The following SORCS1 variants were observed in gnomAD, a reference collection of about 807,000 sequenced individuals.
SORCS1 encodes VPS10 domain-containing receptor SorCS1.
A neutral mutation model predicts 146.1 loss-of-function variants in SORCS1; 60 were observed. The ratio of observed to expected loss-of-function variants is 0.41; its 90% CI spans 0.33 to 0.51. The LOEUF (loss-of-function observed/expected upper bound fraction) is 0.51. Among genes scored for constraint, SORCS1 ranks in the 20% least tolerant of loss-of-function variants. The pLI, the probability that SORCS1 is intolerant of heterozygous loss-of-function variation, is 0.21. For missense variants in SORCS1, 1,352 were observed against 1,487.6 expected (o/e 0.91, Z 1.50); for synonymous variants, 637 against 584.0 (o/e 1.09, Z -1.31).
At chr10:106,792,336 T>C (rs1440569605) in intron 3 of SORCS1, among the ~76,000 whole-genome samples, 1 of 152,270 alleles carries the variant, frequency 6.6e-6, no homozygotes, top group African/African-American at 2.4e-5. Flanking sequence ...CTGGTTATCC[T>C]TTTATAAATT....
chr10:106,866,437 G>A (rs1950223865), intron 2 of SORCS1, among the ~76,000 whole-genome samples: 1 of 152,176 alleles, frequency 6.6e-6, no homozygotes, highest in Non-Finnish European at 1.5e-5. Flanking sequence ...GAGTCCCCAG[G>A]AGACATGCAA....
intron 4 of SORCS1, among the ~76,000 whole-genome samples, chr10:106,761,947 C>T (rs900596741): frequency 6.6e-6 from 1 of 152,118 alleles, no homozygotes; most frequent in African/African-American, 2.4e-5. Context: ...GAATGCACAC[C>T]CTGTTCTGCC....
At chr10:106,804,620 A>G (rs890359574) in intron 3 of SORCS1, among the ~76,000 whole-genome samples, 1 of 152,144 alleles carries the variant, frequency 6.6e-6, no homozygotes, top group African/African-American at 2.4e-5. Context: ...AAGATGCTTG[A>G]AAAAGGAAGA....
chr10:106,711,667 T>G (rs1855000351), intron 6 of SORCS1, among the ~76,000 whole-genome samples: 1 of 152,232 alleles, frequency 6.6e-6, no homozygotes, highest in South Asian at 2.1e-4. Context: ...TTAACCTGTC[T>G]AGTCCTGGTG....
intron 3 of SORCS1, among the ~76,000 whole-genome samples, chr10:106,825,216 T>C (rs561063535): frequency 1.0e-3 from 158 of 151,814 alleles, no homozygotes; most frequent in Non-Finnish European, 2.0e-3. Flanking sequence ...GTTTTCTTTT[T>C]AGGCAGAATA....
At chr10:106,950,504 C>A (rs1954623084) in intron 2 of SORCS1, among the ~76,000 whole-genome samples, 1 of 151,990 alleles carries the variant, frequency 6.6e-6, no homozygotes, top group Non-Finnish European at 1.5e-5. Flanking sequence ...TCTCTGTCAC[C>A]CAGTATTTTT....
At chr10:107,095,511 T>G (rs1964487846) in intron 1 of SORCS1, among the ~76,000 whole-genome samples, 1 of 152,200 alleles carries the variant, frequency 6.6e-6, no homozygotes, top group Non-Finnish European at 1.5e-5. Context: ...AAGAGTTGGA[T>G]TTATCCAGAA....
chr10:106,601,629 G>A (rs1006206690), intron 23 of SORCS1, among the ~76,000 whole-genome samples: 4 of 152,150 alleles, frequency 2.6e-5, no homozygotes, highest in Non-Finnish European at 4.4e-5. Context: ...AACTAGATAT[G>A]GCTGTGGGCA....
intron 17 of SORCS1, among the ~76,000 whole-genome samples, chr10:106,661,075 A>G (rs1233530321): frequency 6.6e-6 from 1 of 152,220 alleles, no homozygotes; most frequent in Non-Finnish European, 1.5e-5. Context: ...ATTTTGCAGT[A>G]TGCTCCCCGG....
chr10:107,029,369 C>G (rs1958548989), intron 1 of SORCS1, among the ~76,000 whole-genome samples: 1 of 152,188 alleles, frequency 6.6e-6, no homozygotes. Context: ...CAAAAGAATT[C>G]CCACTAAATC....
chr10:107,101,926 A>C (rs965468974), intron 1 of SORCS1, among the ~76,000 whole-genome samples: 6 of 152,174 alleles, frequency 3.9e-5, no homozygotes, highest in African/African-American at 1.4e-4. Flanking sequence ...TGTAACCTAC[A>C]TGGCCCATTT....
chr10:106,966,531 T>C (rs1417416652), intron 1 of SORCS1, among the ~76,000 whole-genome samples: 1 of 152,130 alleles, frequency 6.6e-6, no homozygotes, highest in East Asian at 1.9e-4. Context: ...GGCACTGAAA[T>C]TGAGTGAAAC....
In SORCS1 at chr10:107,029,150, G is replaced by T. The variant is rs561018580; in HGVS notation, c.559-72570C>A. 2.0e-4 allele frequency among the ~76,000 whole-genome samples: 31 copies of T among 152,312 alleles called. 2 individuals are homozygous for T. The South Asian group carries it at 6.4e-3, about 32-fold the overall frequency. ...TTTGCTAGATGCTCTCTCATGGAAT[G>T]TCAATCAATAGTTATACTTCCATTT... is the stretch of plus-strand genomic sequence containing the variant. On this transcript the variant is annotated intron_variant, in intron 1 of 25. Coordinates refer to ENST00000263054, the MANE Select transcript of SORCS1 (RefSeq NM_052918.5).
chr10:106,898,478 A>C (rs747976570), intron 2 of SORCS1, among the ~76,000 whole-genome samples: 1 of 152,194 alleles, frequency 6.6e-6, no homozygotes, highest in African/African-American at 2.4e-5. Flanking sequence ...TACTCACGAA[A>C]AGAGAACCAT....
At chr10:106,637,113 A>T (rs1472318362) in intron 18 of SORCS1, among the ~76,000 whole-genome samples, 1 of 152,246 alleles carries the variant, frequency 6.6e-6, no homozygotes, top group Non-Finnish European at 1.5e-5. Context: ...CTAATCAGGA[A>T]ACAACTGTTG....
chr10:106,652,460 C>A lies in SORCS1; in HGVS notation c.2397G>T (p.Gly799=). 1.9e-6 allele frequency: 3 copies of A among 1,614,104 alleles called. No homozygotes were observed. Among genetic ancestry groups the A allele is most frequent in the Non-Finnish European group, 2.5e-6 (3 of 1,179,992 alleles). The stretch of plus-strand genomic sequence containing the variant: ...TTCCATCAGCCGTGACTATCCGCAG[C>A]CCCCGCGGGGCTTTCCCTGGGCACT... The part of the protein sequence containing the change: ...PQKCPGKAPR[G]LRIVTADGKL... The change falls in exon 18 of 26, where the codon GGG becomes GGT. Residue 799 remains glycine (G), a synonymous_variant. Transcript: ENST00000263054.
At chr10:106,859,467 C>T (rs941407835) in intron 2 of SORCS1, among the ~76,000 whole-genome samples, 1 of 152,158 alleles carries the variant, frequency 6.6e-6, no homozygotes, top group African/African-American at 2.4e-5. Context: ...GATGTTGGCT[C>T]ACTGCAAGCT....
intron 9 of SORCS1, among the ~76,000 whole-genome samples, chr10:106,698,966 G>C (rs113819465): frequency 6.6e-6 from 1 of 152,074 alleles, no homozygotes. Flanking sequence ...CAGACATTCC[G>C]CAAGTCCACA....
intron 4 of SORCS1, among the ~76,000 whole-genome samples, chr10:106,767,483 A>ATATT (rs1010278919): frequency 8.6e-5 from 13 of 151,892 alleles, no homozygotes; most frequent in East Asian, 1.9e-4. Flanking sequence ...AGATTCTTAT[A>ATATT]TATTTATTTA....
Sources: allele counts gnomAD v4.1 joint callset (sites outside exome capture counted in the v4.1 genomes callset), GRCh38; gene constraint gnomAD v4.1.1; transcripts MANE v1.5; gene names NCBI Gene and HGNC (gene_info 2026-07-23, HGNC 2026-07-21).